ZNF582: variants seen among roughly 807,000 people sequenced by gnomAD.
The protein encoded by ZNF582 is zinc finger protein 582.
In ZNF582, 14 loss-of-function variants were observed where a neutral mutation model predicts 12.3. That is an observed-to-expected ratio of 1.14 (90% CI 0.75 to 1.78). ZNF582 has a LOEUF of 1.78. Ranked by LOEUF, ZNF582 falls within the 40% of genes most tolerant of loss-of-function variation. ZNF582 has a pLI of 0.00. For missense variants in ZNF582, 567 were observed against 616.5 expected (o/e 0.92, Z 0.85); for synonymous variants, 210 against 207.2 (o/e 1.01, Z -0.11).
intron 4 of ZNF582, among the ~76,000 whole-genome samples, chr19:56,388,702 G>A (rs753730479): frequency 2.1e-4 from 32 of 151,952 alleles, no homozygotes; most frequent in Non-Finnish European, 4.0e-4. Flanking sequence ...GTTCGATCTC[G>A]GATCACTGCA....
chr19:56,383,846 TCA>T (rs768629752), exon 5 of ZNF582: 3 of 1,526,788 alleles, frequency 2.0e-6, no homozygotes, highest in South Asian at 1.3e-5. Flanking sequence ...GAGAAGTAAG[TCA>T]CAGTCACAAT....
chr19:56,389,537 C>T (rs188518757), intron 4 of ZNF582, among the ~76,000 whole-genome samples: 321 of 152,042 alleles, frequency 2.1e-3, no homozygotes, highest in African/African-American at 6.5e-3. Context: ...GAAGGTTGGG[C>T]GGAGGGAGAG....
intron 4 of ZNF582, among the ~76,000 whole-genome samples, chr19:56,385,776 T>C (rs1292002417): frequency 6.6e-6 from 1 of 151,520 alleles, no homozygotes; most frequent in East Asian, 1.9e-4. Context: ...AAATATAGAG[T>C]GACAGAAACC....
At position 56,384,978 on chromosome 19, in the gene ZNF582, C is replaced by A. The variant is rs891897458; in HGVS notation, c.439G>T (p.Glu147Ter). The A allele has an allele frequency of 6.2e-7, 1 of 1,614,110 alleles. No individual in the cohort carries two copies. The highest frequency in any genetic ancestry group is 8.5e-7 in the Non-Finnish European group (1 of 1,180,014). The change falls in exon 5 of 5, where the codon GAA becomes TAA. Residue 147 changes from glutamate to a stop codon, truncating the protein, a stop_gained. Coordinates refer to ENST00000586929, the Ensembl canonical transcript of ZNF582. LOFTEE classifies it low-confidence loss of function (END_TRUNC). ...TGCTGGTCAAAAGTGGGCATTTCTT[C>A]ATGTCTGATGATCATCTGATGGAAA...
intron 1 of ZNF582, among the ~76,000 whole-genome samples, chr19:56,392,243 T>C (rs1273006185): frequency 6.6e-6 from 1 of 152,224 alleles, no homozygotes; most frequent in East Asian, 1.9e-4. Flanking sequence ...AACTCTCTCC[T>C]GCAGCAAATA....
rs561429439 is a variant in ZNF582 at position 56,389,346 on chromosome 19, G to C, written c.232+655C>G. The stretch of plus-strand genomic sequence containing the variant: ...CCGATACAAATTCCTTTAGAAAAAT[G>C]GTCAAAGGACAAGATCATGTCCTTT... On this transcript the variant is annotated intron_variant, in intron 4 of 4. Coordinates refer to ENST00000586929, the Ensembl canonical transcript of ZNF582. Among the ~76,000 whole-genome samples the C allele has an allele frequency of 3.9e-5, 6 of 152,274 alleles. No individual in the cohort carries two copies. In the East Asian group the frequency reaches 1.2e-3, roughly 29 times the overall value.
At chr19:56,391,912 C>T in intron 1 of ZNF582, 80 bp from the exon 2 acceptor site, 1 of 1,227,486 alleles carries the variant, frequency 8.1e-7, no homozygotes, top group Non-Finnish European at 1.2e-6. Context: ...TCCCCACCTG[C>T]TTGCCCTCTG....
chr19:56,389,953 A>T, intron 4 of ZNF582, 48 bp downstream of exon 4: 1 of 1,491,574 alleles, frequency 6.7e-7, no homozygotes, highest in South Asian at 1.1e-5. Context: ...CTTCCAGCGG[A>T]CCTGATACCT....
intron 4 of ZNF582, chr19:56,388,162 A>G (rs934143668): frequency 6.6e-6 from 1 of 152,166 alleles, no homozygotes; most frequent in Non-Finnish European, 1.5e-5. Flanking sequence ...ATTATGTCCA[A>G]AGAACCCAGG....
chr19:56,391,947 G>A, intron 1 of ZNF582, 115 bp from the exon 2 acceptor site: 1 of 808,144 alleles, frequency 1.2e-6, no homozygotes, highest in East Asian at 2.7e-5. Flanking sequence ...GAGAAGGAGG[G>A]GGAGGCAAAG....
intron 1 of ZNF582, among the ~76,000 whole-genome samples, chr19:56,392,739 A>G (rs989783108): frequency 3.3e-5 from 5 of 152,252 alleles, no homozygotes; most frequent in African/African-American, 1.2e-4. Flanking sequence ...ATTGGAAGAA[A>G]AAACACCCAA....
At chr19:56,388,994 G>C (rs1305298535) in intron 4 of ZNF582, among the ~76,000 whole-genome samples, 3 of 152,172 alleles carry the variant, frequency 2.0e-5, no homozygotes, top group African/African-American at 7.2e-5. Context: ...GAGGTACCAA[G>C]GGCTCCCTGC....
exon 3 of ZNF582, chr19:56,390,499 C>T (rs1391148752): frequency 6.2e-7 from 1 of 1,614,050 alleles, no homozygotes; most frequent in East Asian, 2.2e-5. Context: ...ACAATTCTGA[C>T]CCCTGGAATG....
At chr19:56,389,284 A>G (rs1256418918) in intron 4 of ZNF582, among the ~76,000 whole-genome samples, 3 of 152,250 alleles carry the variant, frequency 2.0e-5, no homozygotes, top group Admixed American at 6.5e-5. Flanking sequence ...TAAAAGCTTA[A>G]TAAGTACTTG....
intron 2 of ZNF582, among the ~76,000 whole-genome samples, 161 bp downstream of exon 2, chr19:56,391,583 T>G (rs1040825562): frequency 6.6e-6 from 1 of 152,190 alleles, no homozygotes; most frequent in African/African-American, 2.4e-5. Context: ...AATAAATCTG[T>G]GGGCATTTGT....
intron 4 of ZNF582, among the ~76,000 whole-genome samples, chr19:56,385,488 C>A (rs1236427270): frequency 1.3e-5 from 2 of 152,080 alleles, no homozygotes; most frequent in African/African-American, 4.8e-5. Flanking sequence ...GAGTTTGAGA[C>A]CAGCTTCAGC....
In ZNF582 at chr19:56,390,432, G is replaced by A. The variant is rs1395851288; in HGVS notation, c.79C>T (p.Gln27Ter). Residue 27 changes from glutamine (Q) to a stop codon, truncating the protein, a stop_gained, in exon 3 of 5, where the codon CAG becomes TAG. Transcript: ENST00000586929. LOFTEE classifies it high-confidence loss of function. ...ATCACGTCTCTGTACAAATCCCTCT[G>A]AGCAGGTGCCAACCACTGCCATTCT... 2 of 1,614,108 alleles carry A rather than the reference G, an allele frequency of 1.2e-6. No individual in the cohort carries two copies. Among genetic ancestry groups the A allele is most frequent in the Non-Finnish European group, 8.5e-7 (1 of 1,180,016 alleles).
exon 5 of ZNF582, chr19:56,384,289 A>C (rs1206227469): frequency 2.5e-6 from 4 of 1,613,814 alleles, no homozygotes; most frequent in Non-Finnish European, 3.4e-6. Flanking sequence ...AGCTCACTCT[A>C]AAGGCCTTTC....
At chr19:56,387,316 T>C (rs748556972) in intron 4 of ZNF582, 2 of 152,230 alleles carry the variant, frequency 1.3e-5, no homozygotes, top group Non-Finnish European at 2.9e-5. Context: ...TCTGCAGATC[T>C]ATTCACTGTA....
Sources: allele counts gnomAD v4.1 joint callset (sites outside exome capture counted in the v4.1 genomes callset), GRCh38; gene constraint gnomAD v4.1.1; transcripts MANE v1.5; gene names NCBI Gene and HGNC (gene_info 2026-07-23, HGNC 2026-07-21).